HERC2: variants seen among roughly 807,000 people sequenced by gnomAD.
HERC2 encodes HECT and RLD domain containing E3 ubiquitin protein ligase 2.
A neutral mutation model predicts 537.7 loss-of-function variants in HERC2; 102 were observed. That is an observed-to-expected ratio of 0.19 (90% CI 0.16 to 0.22). The LOEUF (loss-of-function observed/expected upper bound fraction) is 0.22, where lower values mean the gene tolerates loss of function less well. Among genes scored for constraint, HERC2 ranks in the 10% least tolerant of loss-of-function variants. The pLI is 1.00. For synonymous variants in HERC2, 2,224 were observed against 2,466.2 expected, an observed-to-expected ratio of 0.90 and a Z score of 2.91; for missense variants, 4,236 against 6,198.2, an observed-to-expected ratio of 0.68 and a Z score of 10.63.
intron 44 of HERC2, among the ~76,000 whole-genome samples, chr15:28,208,710 C>T (rs144924451): frequency 6.6e-6 from 1 of 152,338 alleles, no homozygotes; most frequent in East Asian, 1.9e-4. Context: ...GCCACTTTCA[C>T]TCCTCTCCTC....
At chr15:28,180,485 A>C (rs1416155628) in intron 57 of HERC2, among the ~76,000 whole-genome samples, 4 of 152,270 alleles carry the variant, frequency 2.6e-5, no homozygotes, top group Admixed American at 1.3e-4. Flanking sequence ...GAGTATTTTA[A>C]GAATGAAATG....
At chr15:28,171,127 G>A (rs1894652593) in intron 65 of HERC2, among the ~76,000 whole-genome samples, 1 of 152,168 alleles carries the variant, frequency 6.6e-6, no homozygotes. Flanking sequence ...GGACATTTAT[G>A]CCAAAGAAAT....
chr15:28,204,388 G>A (rs1314480313), intron 45 of HERC2, among the ~76,000 whole-genome samples: 4 of 152,138 alleles, frequency 2.6e-5, no homozygotes, highest in Non-Finnish European at 2.9e-5. Flanking sequence ...TTGGGAGCCC[G>A]AGGAGGGCGG....
intron 20 of HERC2, among the ~76,000 whole-genome samples, chr15:28,250,385 A>T (rs888508941): frequency 6.6e-6 from 1 of 152,152 alleles, no homozygotes; most frequent in Non-Finnish European, 1.5e-5. Flanking sequence ...TAACACAAGA[A>T]ACAGGTCTAG....
At position 28,230,457 on chromosome 15, in the gene HERC2, T is replaced by A; in HGVS notation, c.4719A>T (p.Gly1573=). The part of the protein sequence containing the change: ...PESTDDEEKI[G]NEESDLEEAC... Reference sequence around the variant, plus strand: ...CTTCTTCTAAATCACTCTCTTCGTTTCCAATTTTTTCTTCATCATCCGTAG... The same window carrying A: ...CTTCTTCTAAATCACTCTCTTCGTTACCAATTTTTTCTTCATCATCCGTAG... The change falls in exon 31 of 93, where the codon GGA becomes GGT. Residue 1573 remains glycine, a synonymous_variant. Transcript: ENST00000261609. 1 of 1,399,134 alleles carries A rather than the reference T, an allele frequency of 7.1e-7. No individual in the cohort carries two copies. Among genetic ancestry groups the A allele is most frequent in the East Asian group, 2.3e-5 (1 of 43,722 alleles). 86.7% of individuals were successfully genotyped at this position (1,399,134 alleles called of 1,614,324 possible). A position where few individuals can be genotyped will look rare whatever the true frequency, so the allele number is the denominator to read the frequency against.
intron 44 of HERC2, 53 bp downstream of exon 44, chr15:28,210,949 T>C (rs2140419090): frequency 4.3e-6 from 4 of 920,984 alleles, no homozygotes; most frequent in South Asian, 3.9e-5. Flanking sequence ...ACTTCCTTTG[T>C]CTACTTTCTA....
At chr15:28,246,611 C>A (rs78851824) in intron 22 of HERC2, 131 bp downstream of exon 22, 377 of 608,020 alleles carry the variant, frequency 6.2e-4, no homozygotes, top group Middle Eastern at 8.5e-4. Context: ...AAAAAAAAAA[C>A]AAAGGTGAAA....
intron 78 of HERC2, among the ~76,000 whole-genome samples, chr15:28,140,956 G>A (rs1400929248): frequency 6.6e-6 from 1 of 151,770 alleles, no homozygotes; most frequent in Admixed American, 6.6e-5. Context: ...AAAATAAATT[G>A]GCCGGGCGTG....
Position 28,293,037 on chromosome 15 carries a change from A to T in HERC2, c.188-15T>A, listed in dbSNP as rs761539191. 3.8e-6 allele frequency: 6 copies of T among 1,597,428 alleles called. 1 individual carries two copies. The highest frequency in any genetic ancestry group is 2.3e-4 in the Middle Eastern group (1 of 4,360). On this transcript the variant is annotated splice_polypyrimidine_tract_variant and intron_variant, in intron 3 of 92. Coordinates refer to ENST00000261609, the MANE Select transcript of HERC2 (RefSeq NM_004667.6). ...GACACTATCATCTGCAGAATTAAAA[A>T]TTTTTTAATCTGTCACCGCTTTTCA...
At chr15:28,143,726 A>G in intron 74 of HERC2, 147 bp downstream of exon 74, 3 of 949,072 alleles carry the variant, frequency 3.2e-6, no homozygotes, top group Non-Finnish European at 4.8e-6. Flanking sequence ...CATTACACGC[A>G]TGAGCCACCG....
At chr15:28,214,335 A>T (rs1899620940) in intron 40 of HERC2, 63 bp from the exon 41 acceptor site, 8 of 1,387,766 alleles carry the variant, frequency 5.8e-6, no homozygotes, top group Non-Finnish European at 7.2e-6. Flanking sequence ...GGGAAAGGAG[A>T]CGGCTACCCA....
intron 25 of HERC2, 121 bp from the exon 26 acceptor site, chr15:28,237,234 T>C: frequency 2.7e-6 from 2 of 740,498 alleles, no homozygotes; most frequent in Non-Finnish European, 4.8e-6. Context: ...CTCTGGGCAT[T>C]CTGCCCCTCC....
chr15:28,201,616 G>T, intron 47 of HERC2, 62 bp from the exon 48 acceptor site: 1 of 1,003,344 alleles, frequency 1.0e-6, no homozygotes, highest in Non-Finnish European at 1.6e-6. Flanking sequence ...TACTCAAAAA[G>T]AAATAAGTCT....
intron 55 of HERC2, among the ~76,000 whole-genome samples, chr15:28,187,322 G>T (rs1353628865): frequency 6.9e-6 from 1 of 145,210 alleles, no homozygotes; most frequent in Non-Finnish European, 1.5e-5. Context: ...AGGAGGTCTG[G>T]TTTTTTTTTT....
chr15:28,243,229 G>A (rs1903310949), intron 23 of HERC2, among the ~76,000 whole-genome samples: 1 of 152,184 alleles, frequency 6.6e-6, no homozygotes, highest in Non-Finnish European at 1.5e-5. Flanking sequence ...AGTGACATGT[G>A]ACCCCTTTCT....
At chr15:28,137,484 C>T (rs1343075072) in intron 78 of HERC2, among the ~76,000 whole-genome samples, 2 of 152,286 alleles carry the variant, frequency 1.3e-5, no homozygotes, top group South Asian at 2.1e-4. Context: ...CGCTATGTCA[C>T]GTTTTGATAA....
In HERC2 at chr15:28,228,357, C is replaced by A. The variant is rs772642437; in HGVS notation, c.5325G>T (p.Pro1775=). Residue 1775 remains proline (P), a synonymous_variant, in exon 35 of 93, where the codon CCG becomes CCT. Transcript: ENST00000261609. ...GGGCTTGCGGGATGGTCCCCAGGCT[C>A]GGTCCTGACGGGTTCTCATTGGTGA... ...QTITNENPSG[P]SLGTIPQARF... The A allele has an allele frequency of 6.2e-7, 1 of 1,612,070 alleles. No individual in the cohort carries two copies. Among genetic ancestry groups the A allele is most frequent in the Admixed American group, 1.7e-5 (1 of 60,020 alleles).
At chr15:28,153,856 A>G (rs925977845) in intron 69 of HERC2, among the ~76,000 whole-genome samples, 1 of 152,056 alleles carries the variant, frequency 6.6e-6, no homozygotes, top group Non-Finnish European at 1.5e-5. Context: ...CCACAATCCT[A>G]GAAGGCAACG....
chr15:28,210,013 A>G (rs1898981057), intron 44 of HERC2, among the ~76,000 whole-genome samples: 1 of 143,282 alleles, frequency 7.0e-6, no homozygotes, highest in South Asian at 2.3e-4. Context: ...CAGTGGCACA[A>G]TCTGCACCCT....
Sources: gnomAD v4.1 joint callset for allele counts (sites outside exome capture counted in the v4.1 genomes callset) on GRCh38, gnomAD v4.1.1 for gene constraint, MANE v1.5 for transcripts, NCBI Gene and HGNC (gene_info 2026-07-23, HGNC 2026-07-21) for gene names.